The following DNAH3 variants were observed in gnomAD, a reference collection of about 807,000 sequenced individuals.
DNAH3 encodes the protein axonemal beta dynein heavy chain 3.
Under a neutral mutation model 432.5 loss-of-function variants are expected in DNAH3, and 332 were observed. The observed-to-expected ratio is 0.77, with a 90% CI of 0.70 to 0.84. DNAH3 has a LOEUF of 0.84. Among genes scored for constraint, DNAH3 ranks in the 40% least tolerant of loss-of-function variants. The probability of loss-of-function intolerance (pLI) is 0.00; values close to 1 mark genes in which losing one functional copy is unlikely to be tolerated. For synonymous variants in DNAH3, 1,956 were observed against 1,900.2 expected (o/e 1.03, Z -0.76); for missense variants, 4,861 against 5,114.0 (o/e 0.95, Z 1.51).
rs1205575997 is a variant in DNAH3 at position 20,948,482 on chromosome 16, C to T, written c.11343+1G>A. 1 of 1,613,000 alleles carries T rather than the reference C, an allele frequency of 6.2e-7. No homozygotes were observed. Among genetic ancestry groups the T allele is most frequent in the African/African-American group, 1.3e-5 (1 of 74,900 alleles). Reference sequence around the variant, plus strand: ...GGTAGGCCTCCCTGCCCACCCCTTACCTGGTAGGAGCCATGAGGAGGGATG... The same window carrying T: ...GGTAGGCCTCCCTGCCCACCCCTTATCTGGTAGGAGCCATGAGGAGGGATG... On this transcript the variant is annotated splice_donor_variant, in intron 57 of 61. Transcript: ENST00000261383. LOFTEE classifies it high-confidence loss of function.
intron 9 of DNAH3, among the ~76,000 whole-genome samples, chr16:21,122,809 TTTTAA>T (rs568880082): frequency 4.4e-4 from 67 of 151,432 alleles, no homozygotes; most frequent in African/African-American, 1.6e-3. Flanking sequence ...TCTGTTTTTT[TTTTAA>T]TTTATTTTAT....
intron 20 of DNAH3, among the ~76,000 whole-genome samples, chr16:21,080,166 G>A (rs191541976): frequency 2.4e-4 from 36 of 152,130 alleles, no homozygotes; most frequent in Admixed American, 1.3e-3. Flanking sequence ...GCATGGTGGC[G>A]GGCACCTGTA....
chr16:20,976,342 G>A (rs901895368), intron 50 of DNAH3, among the ~76,000 whole-genome samples: 1 of 152,038 alleles, frequency 6.6e-6, no homozygotes. Context: ...ACAGGCATGT[G>A]CCACCACACC....
In DNAH3 at chr16:21,106,462, C is replaced by T. The variant is rs147221846; in HGVS notation, c.2284+28G>A. ...AAAATATACATATAGGTATGCATTTCGATGGTCACACATGGCATTGGACTT... is the reference window on the plus strand; with the variant it reads ...AAAATATACATATAGGTATGCATTTTGATGGTCACACATGGCATTGGACTT... On this transcript the variant is annotated intron_variant, in intron 15 of 61. Coordinates refer to ENST00000261383, the Ensembl canonical transcript of DNAH3. 2.8e-5 allele frequency: 43 copies of T among 1,530,934 alleles called. No homozygotes were observed. In the African/African-American group the frequency reaches 3.5e-4, roughly 13 times the overall value. 94.8% of individuals were successfully genotyped at this position (1,530,934 alleles called of 1,614,324 possible).
intron 60 of DNAH3, 147 bp downstream of exon 60, chr16:20,936,502 C>T (rs534581846): frequency 1.4e-6 from 1 of 717,108 alleles, no homozygotes; most frequent in South Asian, 1.9e-5. Flanking sequence ...CTGCTTCTAA[C>T]TCCAGGAAGA....
chr16:20,987,866 T>G lies in DNAH3; in HGVS notation c.6726-17A>C. The G allele has an allele frequency of 6.2e-7, 1 of 1,614,156 alleles. No individual in the cohort carries two copies. The highest frequency in any genetic ancestry group is 8.5e-7 in the Non-Finnish European group (1 of 1,180,016). ...TTTCCGTACCTTGGGAGGAAAGGGATGGCACAGTAGTCAAGGAGGGGCCAG... is the reference window on the plus strand; with the variant it reads ...TTTCCGTACCTTGGGAGGAAAGGGAGGGCACAGTAGTCAAGGAGGGGCCAG... On this transcript the variant is annotated splice_polypyrimidine_tract_variant and intron_variant, in intron 45 of 61. Coordinates refer to ENST00000261383, the Ensembl canonical transcript of DNAH3.
chr16:21,153,475 T>TA (rs1339759883), intron 1 of DNAH3, among the ~76,000 whole-genome samples: 1 of 152,160 alleles, frequency 6.6e-6, no homozygotes, highest in Non-Finnish European at 1.5e-5. Context: ...AACAGACCAC[T>TA]AGGCTCTACC....
chr16:21,060,228 T>C (rs1184602569), intron 26 of DNAH3, 36 bp downstream of exon 26: 2 of 1,522,614 alleles, frequency 1.3e-6, no homozygotes, highest in South Asian at 1.1e-5. Flanking sequence ...TTTAGTGCAC[T>C]AGTGTCCTGG....
chr16:21,067,900 A>C (rs1037352731), intron 23 of DNAH3, among the ~76,000 whole-genome samples: 3 of 151,676 alleles, frequency 2.0e-5, no homozygotes, highest in Admixed American at 6.6e-5. Flanking sequence ...ATCTTTTGTG[A>C]GGCTTGGCTG....
At chr16:21,035,949 T>C (rs1567675828) in intron 35 of DNAH3, among the ~76,000 whole-genome samples, 1 of 152,168 alleles carries the variant, frequency 6.6e-6, no homozygotes, top group Non-Finnish European at 1.5e-5. Context: ...GAGTTGATAA[T>C]GATATAGTAT....
chr16:20,965,598 A>G (rs1356635843), intron 52 of DNAH3, among the ~76,000 whole-genome samples, 173 bp from the exon 53 acceptor site: 4 of 152,126 alleles, frequency 2.6e-5, no homozygotes, highest in Non-Finnish European at 2.9e-5. Context: ...TTGAGTTATA[A>G]AGGACCTTCC....
chr16:20,944,059 TC>T (rs1156845568), intron 58 of DNAH3, among the ~76,000 whole-genome samples: 1 of 151,904 alleles, frequency 6.6e-6, no homozygotes, highest in East Asian at 1.9e-4. Flanking sequence ...TGTTCACTGT[TC>T]AGCTTTCATT....
Position 20,935,485 on chromosome 16 carries a change from C to G in DNAH3, c.11860G>C (p.Glu3954Gln), listed in dbSNP as rs142540448. 1.8e-3 allele frequency: 2,903 copies of G among 1,609,022 alleles called. 3 individuals are homozygous for G. Among genetic ancestry groups the G allele is most frequent in the Non-Finnish European group, 2.2e-3 (2,639 of 1,178,918 alleles). ...ACAGGGGGCCCCTTGTCAATCCATT[C>G]CTGGAGAGCCACAGAAATCAAGATT... Residue 3954 changes from glutamate (E) to glutamine (Q), a missense_variant and splice_region_variant, in exon 61 of 62, where the codon GAA becomes CAA. Glu to Gln is a conservative substitution (Grantham distance 29, BLOSUM62 2). Transcript: ENST00000261383.
intron 23 of DNAH3, 117 bp from the exon 24 acceptor site, chr16:21,067,536 C>G: frequency 9.6e-7 from 1 of 1,040,066 alleles, no homozygotes. Flanking sequence ...CTAACTGCCT[C>G]CTGATCCCCC....
chr16:20,938,178 G>A (rs2152565821), intron 59 of DNAH3, among the ~76,000 whole-genome samples: 1 of 152,220 alleles, frequency 6.6e-6, no homozygotes. Flanking sequence ...GATCACTTGA[G>A]GTCAGGAGTT....
At chr16:20,983,622 T>C (rs1327355360) in intron 48 of DNAH3, among the ~76,000 whole-genome samples, 2 of 151,892 alleles carry the variant, frequency 1.3e-5, no homozygotes, top group Admixed American at 6.6e-5. Flanking sequence ...CAATAACAAA[T>C]TTTGGGTTCC....
exon 51 of DNAH3, chr16:20,975,300 T>C (rs1403765207): frequency 1.2e-5 from 20 of 1,614,178 alleles, no homozygotes; most frequent in East Asian, 2.2e-5. Flanking sequence ...CAGAAGTTTC[T>C]TTCCATCAGC....
intron 7 of DNAH3, among the ~76,000 whole-genome samples, chr16:21,131,055 C>G (rs2092546531): frequency 6.6e-6 from 1 of 152,114 alleles, no homozygotes; most frequent in South Asian, 2.1e-4. Flanking sequence ...AACACAGGGT[C>G]AGACTAGGCG....
intron 43 of DNAH3, among the ~76,000 whole-genome samples, chr16:20,999,552 T>G (rs1243933472): frequency 6.6e-6 from 1 of 152,174 alleles, no homozygotes; most frequent in African/African-American, 2.4e-5. Flanking sequence ...AACAGCAAGA[T>G]AGTGGAAAAT....
Sources: allele counts gnomAD v4.1 joint callset (sites outside exome capture counted in the v4.1 genomes callset), GRCh38; gene constraint gnomAD v4.1.1; transcripts MANE v1.5; gene names NCBI Gene and HGNC (gene_info 2026-07-23, HGNC 2026-07-21).